Variants in EXPH5 observed in about 807,000 individuals in gnomAD.
EXPH5 encodes exophilin 5.
A neutral mutation model predicts 41.1 loss-of-function variants in EXPH5; 42 were observed. The observed-to-expected ratio is 1.02, with a 90% CI of 0.80 to 1.32. EXPH5 has a LOEUF of 1.32. Among genes scored for constraint, EXPH5 ranks in the 40% most tolerant of loss-of-function variants. The pLI is 0.00. For synonymous variants in EXPH5, 798 were observed against 833.5 expected (o/e 0.96, Z 0.73); for missense variants, 2,298 against 2,314.5 (o/e 0.99, Z 0.15).
chr11:108,518,565 C>A (rs2093742958), intron 4 of EXPH5, among the ~76,000 whole-genome samples, 192 bp from the exon 5 acceptor site: 1 of 152,168 alleles, frequency 6.6e-6, no homozygotes, highest in Non-Finnish European at 1.5e-5. Context: ...CTTCTCTATA[C>A]CTACATTAAT....
At chr11:108,578,214 A>G (rs2094086153) in intron 1 of EXPH5, among the ~76,000 whole-genome samples, 1 of 152,176 alleles carries the variant, frequency 6.6e-6, no homozygotes, top group Non-Finnish European at 1.5e-5. Flanking sequence ...ATTTTTGTAT[A>G]TGGTGAGAGA....
chr11:108,584,270 G>A (rs745518872), intron 1 of EXPH5, among the ~76,000 whole-genome samples: 31 of 152,232 alleles, frequency 2.0e-4, no homozygotes, highest in Middle Eastern at 6.8e-3. Flanking sequence ...GAGGTCAGGA[G>A]TTTGACACCA....
chr11:108,520,837 G>A (rs1190066931), intron 4 of EXPH5, among the ~76,000 whole-genome samples: 1 of 152,174 alleles, frequency 6.6e-6, no homozygotes, highest in African/African-American at 2.4e-5. Flanking sequence ...CCAAAGTGCT[G>A]GGATTACAGG....
At chr11:108,542,329 G>A (rs2093917363) in intron 1 of EXPH5, among the ~76,000 whole-genome samples, 1 of 129,590 alleles carries the variant, frequency 7.7e-6, no homozygotes. Context: ...TATTTTAGGT[G>A]TATTCTTTTT....
At chr11:108,593,095 C>CCG (rs2094131748) in intron 1 of EXPH5, among the ~76,000 whole-genome samples, 1 of 152,216 alleles carries the variant, frequency 6.6e-6, no homozygotes, top group Non-Finnish European at 1.5e-5. Flanking sequence ...GGCCCACGCC[C>CCG]CGCGATGGCC....
rs1225260227 is a variant in EXPH5 at position 108,593,512 on chromosome 11, C to A, written c.25G>T (p.Asp9Tyr). The A allele has an allele frequency of 1.9e-6, 3 of 1,614,072 alleles. No homozygotes were observed. The highest frequency in any genetic ancestry group is 2.5e-6 in the Non-Finnish European group (3 of 1,180,028). Residue 9 changes from aspartate (D) to tyrosine (Y), a missense_variant, in exon 1 of 6, where the codon GAT (aspartate) becomes TAT (tyrosine). Coordinates refer to ENST00000265843, the MANE Select transcript of EXPH5 (RefSeq NM_015065.3). ...TCTTCGTCATTTAAGAAACTGAAAT[C>A]AAACGCCGGAGGAACTTTCGTCATT... MTKVPPAF[D>Y]FSFLNDEEAR...
chr11:108,578,670 G>T (rs1440881445), intron 1 of EXPH5, among the ~76,000 whole-genome samples: 1 of 152,128 alleles, frequency 6.6e-6, no homozygotes, highest in East Asian at 1.9e-4. Context: ...ATGAGCATGG[G>T]CAACCTTTCC....
chr11:108,509,919 C>G lies in EXPH5; in HGVS notation c.5588G>C (p.Ser1863Thr). 1 of 1,609,964 alleles carries G rather than the reference C, an allele frequency of 6.2e-7. No homozygotes were observed. The change falls in exon 6 of 6, where the codon AGT becomes ACT. Residue 1863 changes from serine (S) to threonine (T), a missense_variant. Transcript: ENST00000265843. ...SELPSCDGNE[S>T]WAYRSGTKTG... is the part of the protein sequence containing the mutation. The stretch of plus-strand genomic sequence containing the variant: ...TTTTGTCCCGCTGCGATAAGCCCAA[C>G]TTTCATTTCCATCACAGGAGGGGAG...
chr11:108,581,319 AT>A lies in EXPH5; in HGVS notation c.119+12098del, dbSNP rs371318495. Among the ~76,000 whole-genome samples, 601 of 151,088 alleles carry A rather than the reference AT, an allele frequency of 4.0e-3. 22 individuals are homozygous for A. The East Asian group carries it at 0.079, about 20-fold the overall frequency. ...ACACTATTTCAGAGAAAAGAAAAAA[AT>A]ATATATATATGTATGCATATATATA... On this transcript the variant is annotated intron_variant, in intron 1 of 5. Coordinates refer to ENST00000265843, the MANE Select transcript of EXPH5 (RefSeq NM_015065.3).
chr11:108,602,813 A>G, the EXPH5 span, among the ~76,000 whole-genome samples: 2 of 152,240 alleles, frequency 1.3e-5, no homozygotes, highest in Admixed American at 6.5e-5. Context: ...CAAATCATAT[A>G]TAATTTCTCA....
At chr11:108,576,629 T>C (rs1487399226) in intron 1 of EXPH5, among the ~76,000 whole-genome samples, 1 of 152,228 alleles carries the variant, frequency 6.6e-6, no homozygotes, top group East Asian at 1.9e-4. Context: ...GTTGCACATA[T>C]TTATGGGATA....
chr11:108,595,586 C>T (rs546801978), upstream of EXPH5, among the ~76,000 whole-genome samples: 3 of 152,176 alleles, frequency 2.0e-5, no homozygotes, highest in Non-Finnish European at 4.4e-5. Flanking sequence ...TCTGTTTTGG[C>T]AGAGCATGTA....
At chr11:108,550,034 A>G (rs1385987523) in intron 1 of EXPH5, among the ~76,000 whole-genome samples, 1 of 152,182 alleles carries the variant, frequency 6.6e-6, no homozygotes, top group Non-Finnish European at 1.5e-5. Flanking sequence ...AGGAAGCAAA[A>G]CAGAAATAGT....
At position 108,510,020 on chromosome 11, in the gene EXPH5, G is replaced by A; in HGVS notation, c.5487C>T (p.Ala1829=). The change falls in exon 6 of 6, where the codon GCC becomes GCT. Residue 1829 remains alanine, a synonymous_variant. Transcript: ENST00000265843. ...HFSESTSIDN[A]LSRLTLGNEF... is the part of the protein sequence containing the mutation. ...CATTCCCAAGGGTCAGTCGACTCAG[G>A]GCATTGTCAATAGAAGTGCTTTCAG... The A allele has an allele frequency of 6.2e-7, 1 of 1,613,602 alleles. No individual in the cohort carries two copies. Among genetic ancestry groups the A allele is most frequent in the African/African-American group, 1.3e-5 (1 of 74,986 alleles).
Position 108,593,420 on chromosome 11 carries a change from G to A in EXPH5, c.117C>T (p.Ile39=), listed in dbSNP as rs772511179. ...EELQRAEKDR[I]SKLQKTKRDI... is the part of the protein sequence containing the mutation. The stretch of plus-strand genomic sequence containing the variant: ...AAAGAAATGAATTTGCTCTGTACCT[G>A]ATCCTGTCCTTCTCGGCCCTCTGTA... The change falls in exon 1 of 6, where the codon ATC becomes ATT. Residue 39 remains isoleucine (I), a splice_region_variant and synonymous_variant. Coordinates refer to ENST00000265843, the MANE Select transcript of EXPH5 (RefSeq NM_015065.3). 2 of 1,612,840 alleles carry A rather than the reference G, an allele frequency of 1.2e-6. No individual in the cohort carries two copies. Among genetic ancestry groups the A allele is most frequent in the Non-Finnish European group, 1.7e-6 (2 of 1,178,768 alleles).
At position 108,510,567 on chromosome 11, in the gene EXPH5, G is replaced by A; in HGVS notation, c.4940C>T (p.Thr1647Ile). ...GCCAATGGACTCTGCAGATTTTGGAGTAGGCTCAGGGAACAGTGGGTTGCA... is the reference window on the plus strand; with the variant it reads ...GCCAATGGACTCTGCAGATTTTGGAATAGGCTCAGGGAACAGTGGGTTGCA... ...VECNPLFPEP[T>I]PKSAESIGES... is the part of the protein sequence containing the mutation. Residue 1647 changes from threonine (T) to isoleucine (I), a missense_variant, in exon 6 of 6, where the codon ACT (threonine) becomes ATT (isoleucine). Thr to Ile is a moderately conservative substitution (Grantham distance 89). Transcript: ENST00000265843. 6.2e-7 allele frequency: 1 copy of A among 1,614,148 alleles called. No individual in the cohort carries two copies. The highest frequency in any genetic ancestry group is 8.5e-7 in the Non-Finnish European group (1 of 1,180,016).
chr11:108,555,512 C>A (rs994300558), intron 1 of EXPH5, among the ~76,000 whole-genome samples: 2 of 152,180 alleles, frequency 1.3e-5, no homozygotes, highest in African/African-American at 4.8e-5. Context: ...ATCTCCATAG[C>A]CACCTCCCTG....
At chr11:108,560,054 C>A (rs1186036155) in intron 1 of EXPH5, among the ~76,000 whole-genome samples, 1 of 152,154 alleles carries the variant, frequency 6.6e-6, no homozygotes, top group East Asian at 1.9e-4. Context: ...GTCAAATATG[C>A]AAGCCAGACG....
At chr11:108,532,664 C>G (rs541396450) in intron 3 of EXPH5, among the ~76,000 whole-genome samples, 1 of 151,922 alleles carries the variant, frequency 6.6e-6, no homozygotes, top group Non-Finnish European at 1.5e-5. Flanking sequence ...AAACGAAAAA[C>G]AAAAACAAAC....
Sources: allele counts gnomAD v4.1 joint callset (sites outside exome capture counted in the v4.1 genomes callset), GRCh38; gene constraint gnomAD v4.1.1; transcripts MANE v1.5; gene names NCBI Gene and HGNC (gene_info 2026-07-23, HGNC 2026-07-21).